ABI3BP: variants seen among roughly 807,000 people sequenced by gnomAD.
ABI3BP encodes ABI family member 3 binding protein.
A neutral mutation model predicts 268.6 loss-of-function variants in ABI3BP; 216 were observed. The observed-to-expected ratio is 0.80, with a 90% CI of 0.72 to 0.90. The LOEUF is 0.90. ABI3BP is among the 40% of genes least tolerant of loss of function. The probability of loss-of-function intolerance (pLI) is 0.00; values close to 1 mark genes in which losing one functional copy is unlikely to be tolerated. For synonymous variants in ABI3BP, 730 were observed against 730.0 expected, an observed-to-expected ratio of 1.00 and a Z score of 0.00; for missense variants, 2,090 against 2,182.4, an observed-to-expected ratio of 0.96 and a Z score of 0.84.
intron 62 of ABI3BP, among the ~76,000 whole-genome samples, chr3:100,770,432 A>G (rs1476757105): frequency 6.6e-6 from 1 of 152,202 alleles, no homozygotes; most frequent in Middle Eastern, 3.2e-3. Flanking sequence ...TTAATCAGCA[A>G]TGTAATTTTC....
intron 14 of ABI3BP, among the ~76,000 whole-genome samples, chr3:100,855,950 T>C (rs2098934893): frequency 6.6e-6 from 1 of 151,712 alleles, no homozygotes; most frequent in Non-Finnish European, 1.5e-5. Context: ...CAAGAAAATA[T>C]TCATTAAAAT....
intron 1 of ABI3BP, among the ~76,000 whole-genome samples, chr3:100,932,142 G>A (rs1027831897): frequency 2.6e-5 from 4 of 151,948 alleles, no homozygotes; most frequent in African/African-American, 9.6e-5. Context: ...GTGGGATAAT[G>A]GTTAGCCATA....
intron 9 of ABI3BP, among the ~76,000 whole-genome samples, chr3:100,871,405 A>G (rs1227713194): frequency 6.6e-6 from 1 of 152,228 alleles, no homozygotes; most frequent in Non-Finnish European, 1.5e-5. Context: ...ACATTTTCAA[A>G]CATACTGGCT....
intron 1 of ABI3BP, among the ~76,000 whole-genome samples, chr3:100,987,343 T>C (rs2092078836): frequency 6.6e-6 from 1 of 152,194 alleles, no homozygotes; most frequent in African/African-American, 2.4e-5. Context: ...TGATGAATTC[T>C]TCTATTTTCA....
intron 4 of ABI3BP, among the ~76,000 whole-genome samples, chr3:100,889,095 A>AC (rs2043284398): frequency 6.6e-6 from 1 of 152,120 alleles, no homozygotes; most frequent in African/African-American, 2.4e-5. Context: ...ATTTTGCAAC[A>AC]CATCATTGCA....
intron 1 of ABI3BP, among the ~76,000 whole-genome samples, chr3:100,932,015 C>T (rs2063801093): frequency 6.6e-6 from 1 of 151,764 alleles, no homozygotes; most frequent in Non-Finnish European, 1.5e-5. Context: ...GACACATAGG[C>T]CAATGTAACA....
rs185166824 is a variant in ABI3BP at position 100,824,917 on chromosome 3, C to A, written c.2687G>T (p.Arg896Leu). 3.3e-5 allele frequency: 51 copies of A among 1,535,660 alleles called. No homozygotes were observed. In the East Asian group the frequency reaches 1.1e-3, roughly 35 times the overall value. Residue 896 changes from arginine to leucine, a missense_variant, in exon 36 of 68, where the codon CGC becomes CTC. Arg to Leu is a moderately radical substitution (Grantham distance 102). Transcript: ENST00000471714. ...TLATKTSKRT[R>L]PPRPRPKTTP... ...AGTTTTAGGTCTGGGACGTGGAGGG[C>A]GGGTTCTTTTTGATGTTTTGGTAGC... is the stretch of plus-strand genomic sequence containing the variant.
chr3:100,804,583 T>A (rs1321517477), intron 51 of ABI3BP, among the ~76,000 whole-genome samples: 1 of 152,122 alleles, frequency 6.6e-6, no homozygotes, highest in Non-Finnish European at 1.5e-5. Flanking sequence ...TTGGCATAAT[T>A]CTCTGCCTTT....
Position 100,936,151 on chromosome 3 carries a change from A to G in ABI3BP, c.80-9670T>C, listed in dbSNP as rs144504538. ...TTCTTATTATTTTGAGATATGTTCC[A>G]TCAATGCCTAGTTTATTGAGAGTTT... On this transcript the variant is annotated intron_variant, in intron 1 of 67. Transcript: ENST00000471714. 2.5e-3 allele frequency among the ~76,000 whole-genome samples: 386 copies of G among 151,770 alleles called. 1 individual carries two copies. The highest frequency in any genetic ancestry group is 8.8e-3 in the African/African-American group (366 of 41,556).
intron 1 of ABI3BP, among the ~76,000 whole-genome samples, chr3:100,938,804 G>C (rs933908157): frequency 6.6e-6 from 1 of 152,292 alleles, no homozygotes; most frequent in Admixed American, 6.5e-5. Flanking sequence ...ATCAGAAGGA[G>C]AGTCTGTGTA....
intron 3 of ABI3BP, among the ~76,000 whole-genome samples, chr3:100,899,267 A>AATTTCTTT (rs1294063629): frequency 6.6e-6 from 1 of 152,192 alleles, no homozygotes; most frequent in Non-Finnish European, 1.5e-5. Flanking sequence ...ACACACACTT[A>AATTTCTTT]ATTTCTTTTA....
chr3:100,850,564 T>A (rs1308295707), intron 16 of ABI3BP, 96 bp downstream of exon 16: 1 of 859,942 alleles, frequency 1.2e-6, no homozygotes, highest in Admixed American at 2.0e-5. Flanking sequence ...AATGATTAGA[T>A]GTGATGGAAT....
intron 57 of ABI3BP, among the ~76,000 whole-genome samples, chr3:100,786,753 A>T (rs2097059334): frequency 1.3e-5 from 2 of 152,170 alleles, no homozygotes; most frequent in Admixed American, 1.3e-4. Flanking sequence ...GCAGAATAAA[A>T]AGAGTAGCTG....
At chr3:100,980,742 T>C (rs2088941211) in intron 1 of ABI3BP, among the ~76,000 whole-genome samples, 1 of 152,222 alleles carries the variant, frequency 6.6e-6, no homozygotes. Context: ...AACTGTGATC[T>C]AGTCACCAAT....
rs151182070 is a variant in ABI3BP, at chr3:100,822,559, G to C, written c.2887+30C>G. 6.0e-4 allele frequency: 915 copies of C among 1,527,360 alleles called. 6 individuals are homozygous for C. In the African/African-American group the frequency reaches 0.011, roughly 18 times the overall value. 94.6% of individuals were successfully genotyped at this position (1,527,360 alleles called of 1,614,324 possible). On this transcript the variant is annotated intron_variant, in intron 38 of 67. Transcript: ENST00000471714. ...AGACCCTACTGGCTTAGGCTGCAGGGACTCTTTAAACCAGGAACACATAGT... is the reference window on the plus strand; with the variant it reads ...AGACCCTACTGGCTTAGGCTGCAGGCACTCTTTAAACCAGGAACACATAGT...
intron 1 of ABI3BP, among the ~76,000 whole-genome samples, chr3:100,928,716 A>T (rs1202269279): frequency 2.0e-5 from 3 of 152,080 alleles, no homozygotes; most frequent in Non-Finnish European, 2.9e-5. Context: ...CTTACAAATC[A>T]GCTAGTATAA....
At chr3:100,819,493 G>C (rs1395044157) in intron 40 of ABI3BP, among the ~76,000 whole-genome samples, 1 of 152,068 alleles carries the variant, frequency 6.6e-6, no homozygotes, top group Non-Finnish European at 1.5e-5. Flanking sequence ...CTATACTACA[G>C]AGTAAGATGT....
At chr3:100,907,161 A>G (rs978564532) in intron 2 of ABI3BP, among the ~76,000 whole-genome samples, 1 of 152,242 alleles carries the variant, frequency 6.6e-6, no homozygotes, top group Non-Finnish European at 1.5e-5. Context: ...AAAGTAGGAA[A>G]AATCATACCT....
intron 1 of ABI3BP, among the ~76,000 whole-genome samples, chr3:100,957,581 A>G (rs988565408): frequency 2.0e-5 from 3 of 152,218 alleles, no homozygotes; most frequent in African/African-American, 7.2e-5. Context: ...GGGAGAGCAG[A>G]TAGAAGAGAT....
Sources: allele counts gnomAD v4.1 joint callset (sites outside exome capture counted in the v4.1 genomes callset), GRCh38; gene constraint gnomAD v4.1.1; transcripts MANE v1.5; gene names NCBI Gene and HGNC (gene_info 2026-07-23, HGNC 2026-07-21).